The following EPB41L1 variants were observed in gnomAD, a reference collection of about 807,000 sequenced individuals.
EPB41L1 encodes erythrocyte membrane protein band 4.1 like 1.
In EPB41L1, 29 loss-of-function variants were observed where a neutral mutation model predicts 97.8. The ratio of observed to expected loss-of-function variants is 0.30; its 90% confidence interval spans 0.22 to 0.40. EPB41L1 has a LOEUF of 0.40. Among genes scored for constraint, EPB41L1 ranks in the 10% least tolerant of loss-of-function variants. EPB41L1 has a pLI of 1.00. For missense variants in EPB41L1, 812 were observed against 1,162.3 expected, an observed-to-expected ratio of 0.70 and a Z score of 4.38; for synonymous variants, 383 against 459.2, an observed-to-expected ratio of 0.83 and a Z score of 2.12.
rs1055549001 is a variant in EPB41L1, at chr20:36,138,327, C to T, written c.-10+25847C>T. Among the ~76,000 whole-genome samples the T allele has an allele frequency of 9.9e-5, 15 of 151,030 alleles. No homozygotes were observed. The South Asian group carries it at 1.7e-3, about 17-fold the overall frequency. ...TCAGCCAGGCTGGAGTGCAGTGGCACGATCTCAGGCTCACTGCAGCCTCTG... is the reference window on the plus strand; with the variant it reads ...TCAGCCAGGCTGGAGTGCAGTGGCATGATCTCAGGCTCACTGCAGCCTCTG... On this transcript the variant is annotated intron_variant, in intron 2 of 19. Coordinates refer to the EPB41L1 transcript ENST00000202028.
chr20:36,108,996 T>C (rs2058295878), intron 1 of EPB41L1, among the ~76,000 whole-genome samples: 1 of 150,696 alleles, frequency 6.6e-6, no homozygotes, highest in South Asian at 2.1e-4. Flanking sequence ...CAGACTGGAG[T>C]GCAGTGGTGC....
At chr20:36,158,541 A>G (rs911423802) in intron 1 of EPB41L1, among the ~76,000 whole-genome samples, 2 of 152,148 alleles carry the variant, frequency 1.3e-5, no homozygotes, top group African/African-American at 4.8e-5. Context: ...ATGTGCGTGG[A>G]ACAGATAGTG....
At chr20:36,116,998 G>A (rs529112124) in intron 2 of EPB41L1, among the ~76,000 whole-genome samples, 1 of 152,324 alleles carries the variant, frequency 6.6e-6, no homozygotes, top group African/African-American at 2.4e-5. Flanking sequence ...GAGGTTCAGA[G>A]GAGGAAAATG....
upstream of EPB41L1, chr20:36,154,699 C>T: frequency 1.0e-6 from 1 of 983,682 alleles, no homozygotes; most frequent in African/African-American, 1.8e-5. The surrounding 1 kb of genome is among the most constrained non-coding windows in gnomAD (Gnocchi z 5.5). Flanking sequence ...GTGCCCAGCC[C>T]CTGGCGCACG....
chr20:36,227,993 A>G (rs2064277194), intron 21 of EPB41L1, among the ~76,000 whole-genome samples: 1 of 152,224 alleles, frequency 6.6e-6, no homozygotes, highest in African/African-American at 2.4e-5. Context: ...GACCTGTTCC[A>G]AAACAGGAAC....
At chr20:36,222,091 G>A in intron 20 of EPB41L1, 147 bp downstream of exon 20, 1 of 1,037,392 alleles carries the variant, frequency 9.6e-7, no homozygotes, top group African/African-American at 1.6e-5. Flanking sequence ...CCCCAAGAGA[G>A]GGGCATTGGA....
chr20:36,147,126 C>T (rs371832125), intron 2 of EPB41L1, among the ~76,000 whole-genome samples: 170 of 151,978 alleles, frequency 1.1e-3, no homozygotes, highest in African/African-American at 3.9e-3. Context: ...CCAGCATGGG[C>T]GACAGAGTGA....
intron 5 of EPB41L1, 45 bp from the exon 6 acceptor site, chr20:36,182,227 G>A (rs1569231101): frequency 6.3e-7 from 1 of 1,575,502 alleles, no homozygotes; most frequent in East Asian, 2.2e-5. Context: ...GGACCACCCA[G>A]TGGGGTGTTA....
At chr20:36,178,733 C>G in intron 5 of EPB41L1, 61 bp downstream of exon 5, 1 of 1,516,770 alleles carries the variant, frequency 6.6e-7, no homozygotes, top group South Asian at 1.1e-5. Context: ...CCATGAGAGC[C>G]CCCCTTGTAC....
chr20:36,150,026 A>C (rs6058417), upstream of EPB41L1: 467 of 152,292 alleles, frequency 3.1e-3, 7 homozygotes, highest in African/African-American at 0.011. Context: ...TAATTATTCA[A>C]ATGATTTGTT....
chr20:36,119,939 G>A (rs2058700576), intron 2 of EPB41L1, among the ~76,000 whole-genome samples: 2 of 152,072 alleles, frequency 1.3e-5, no homozygotes, highest in Admixed American at 6.6e-5. Context: ...TGGTCACACG[G>A]TGAGCCTGAT....
intron 5 of EPB41L1, among the ~76,000 whole-genome samples, chr20:36,180,390 G>C (rs1022127920): frequency 2.0e-5 from 3 of 152,144 alleles, no homozygotes; most frequent in African/African-American, 2.4e-5. Flanking sequence ...AGGGCACCTG[G>C]GACAAGCTTT....
chr20:36,144,932 C>T (rs1295535436), intron 2 of EPB41L1, among the ~76,000 whole-genome samples: 1 of 152,070 alleles, frequency 6.6e-6, no homozygotes, highest in Admixed American at 6.6e-5. Flanking sequence ...AACAACTGAG[C>T]CAGGATATGA....
chr20:36,180,577 G>A (rs940137433), intron 5 of EPB41L1, among the ~76,000 whole-genome samples: 1 of 152,164 alleles, frequency 6.6e-6, no homozygotes, highest in East Asian at 1.9e-4. Flanking sequence ...TAAGCAGACA[G>A]ACACTGAGGC....
At chr20:36,130,466 G>A (rs1168885401) in intron 2 of EPB41L1, among the ~76,000 whole-genome samples, 1 of 152,166 alleles carries the variant, frequency 6.6e-6, no homozygotes, top group Non-Finnish European at 1.5e-5. Flanking sequence ...TGCCTTCCGT[G>A]TCGTTACTGA....
intron 2 of EPB41L1, among the ~76,000 whole-genome samples, chr20:36,148,387 A>G (rs528039838): frequency 2.0e-5 from 3 of 152,300 alleles, no homozygotes; most frequent in South Asian, 4.1e-4. Context: ...AATGCCTAGA[A>G]GAATAACTAT....
chr20:36,182,473 C>A, intron 6 of EPB41L1, 126 bp downstream of exon 6: 1 of 994,788 alleles, frequency 1.0e-6, no homozygotes, highest in Non-Finnish European at 1.6e-6. Context: ...CGAGGTCAGG[C>A]AGACAGCATC....
intron 1 of EPB41L1, among the ~76,000 whole-genome samples, chr20:36,165,408 A>G (rs2060697784): frequency 6.6e-6 from 1 of 151,286 alleles, no homozygotes; most frequent in Admixed American, 6.6e-5. Context: ...ATGCTCAGAA[A>G]GAGGAAGTGG....
intron 6 of EPB41L1, 68 bp from the exon 7 acceptor site, chr20:36,185,049 C>A: frequency 2.0e-6 from 3 of 1,488,808 alleles, no homozygotes; most frequent in Non-Finnish European, 2.8e-6. Flanking sequence ...TTCTGATGGA[C>A]AGCTGTGCTT....
Sources: allele counts gnomAD v4.1 joint callset (sites outside exome capture counted in the v4.1 genomes callset), GRCh38; gene constraint gnomAD v4.1.1; non-coding constraint Gnocchi (gnomAD v3.1); transcripts MANE v1.5; gene names NCBI Gene and HGNC (gene_info 2026-07-23, HGNC 2026-07-21).